Variants in ECH1 observed in about 807,000 individuals in gnomAD.
The protein encoded by ECH1 is delta(3,5)-Delta(2,4)-dienoyl-CoA isomerase, mitochondrial.
In ECH1, 30 loss-of-function variants were observed where a neutral mutation model predicts 37.0. That is an observed-to-expected ratio of 0.81 (90% CI 0.61 to 1.10). ECH1 has a LOEUF of 1.10. ECH1 is among the 50% of genes least tolerant of loss of function. The pLI is 0.00. For missense variants in ECH1, 456 were observed against 441.6 expected (o/e 1.03, Z -0.29); for synonymous variants, 178 against 176.0 (o/e 1.01, Z -0.09).
intron 5 of ECH1, 56 bp downstream of exon 5, chr19:38,817,260 C>G: frequency 6.5e-7 from 1 of 1,529,684 alleles, no homozygotes; most frequent in South Asian, 1.2e-5. Context: ...GCCGCGGCAT[C>G]GGAGCAGCAG....
intron 1 of ECH1, 38 bp from the exon 2 acceptor site, chr19:38,831,554 G>T (rs906368755): frequency 2.5e-6 from 4 of 1,585,772 alleles, no homozygotes; most frequent in Middle Eastern, 1.7e-4. Flanking sequence ...ACCCCAGACT[G>T]CAAGACACAG....
chr19:38,824,152 C>A (rs1248038672), intron 3 of ECH1, among the ~76,000 whole-genome samples: 20 of 152,160 alleles, frequency 1.3e-4, no homozygotes, highest in Non-Finnish European at 1.5e-5. Context: ...CAGGGTATGG[C>A]CCTCCACTTC....
chr19:38,817,196 C>G (rs1412366740), intron 5 of ECH1, 67 bp from the exon 6 acceptor site: 6 of 1,550,708 alleles, frequency 3.9e-6, no homozygotes, highest in African/African-American at 1.4e-5. Context: ...GGAGGTGGGG[C>G]TGCCTCTTGG....
At position 38,817,524 on chromosome 19, in the gene ECH1, T is replaced by G. The variant is rs755430881; in HGVS notation, c.401A>C (p.Asp134Ala). 5.9e-5 allele frequency: 96 copies of G among 1,613,702 alleles called. No homozygotes were observed. Among genetic ancestry groups the G allele is most frequent in the Non-Finnish European group, 7.7e-5 (91 of 1,179,834 alleles). Residue 134 changes from aspartate to alanine, a missense_variant, in exon 4 of 10, where the codon GAT becomes GCT. Transcript: ENST00000221418. ...ASDILQPKGD[D>A]VARISWYLRD... Reference sequence around the variant, plus strand: ...GAGGTACCAGCTGATCCGGGCCACATCATCTCCTTTGGGCTGCAGGATGTC... The same window carrying G: ...GAGGTACCAGCTGATCCGGGCCACAGCATCTCCTTTGGGCTGCAGGATGTC...
rs753050715 is a variant in ECH1 at position 38,831,136 on chromosome 19, C to T, written c.291G>A (p.Ser97=). The change falls in exon 3 of 10, where the codon TCG becomes TCA. Residue 97 remains serine, a synonymous_variant. Transcript: ENST00000221418. ...REMVECFNKI[S]RDADCRAVVI... ...CCACCGCCCGACAGTCAGCGTCTCTCGAAATCTTGTTGAAGCACTCTACCA... is the reference window on the plus strand; with the variant it reads ...CCACCGCCCGACAGTCAGCGTCTCTTGAAATCTTGTTGAAGCACTCTACCA... The T allele has an allele frequency of 1.2e-6, 2 of 1,614,022 alleles. No individual in the cohort carries two copies. The highest frequency in any genetic ancestry group is 1.3e-5 in the African/African-American group (1 of 74,890).
At chr19:38,821,706 A>G (rs2113124) in intron 3 of ECH1, among the ~76,000 whole-genome samples, 1 of 151,998 alleles carries the variant, frequency 6.6e-6, no homozygotes, top group Non-Finnish European at 1.5e-5. Flanking sequence ...GCACTCGAAT[A>G]CTTGCCGGGC....
At chr19:38,830,283 T>G (rs974007917) in intron 3 of ECH1, among the ~76,000 whole-genome samples, 1 of 152,204 alleles carries the variant, frequency 6.6e-6, no homozygotes, top group African/African-American at 2.4e-5. Context: ...CCAACTGACC[T>G]GTAACTGGAA....
chr19:38,817,626 T>G lies in ECH1; in HGVS notation c.350-51A>C, dbSNP rs145215543. ...ATCCAGGCTCCCAGGCCCCACCCAT[T>G]GACTCAACCAGGGATCAGAACCCAG... On this transcript the variant is annotated intron_variant, in intron 3 of 9. Transcript: ENST00000221418. 82 of 1,540,794 alleles carry G rather than the reference T, an allele frequency of 5.3e-5. 1 individual carries two copies. In the East Asian group the frequency reaches 1.9e-3, roughly 35 times the overall value.
intron 3 of ECH1, chr19:38,822,917 A>C (rs1168163808): frequency 6.6e-6 from 1 of 152,174 alleles, no homozygotes; most frequent in African/African-American, 2.4e-5. Context: ...GCTGCTGCTC[A>C]CTCTTTGGGT....
At position 38,831,776 on chromosome 19, in the gene ECH1, C is replaced by T. The variant is rs1338788773; in HGVS notation, c.-4G>A. ...AAGCCACTATCCCCGCCGCCATCGC[C>T]GCCGCCTTCGTCTACTGCGTTCGGA... On this transcript the variant is annotated 5_prime_UTR_variant, in exon 1 of 10. Transcript: ENST00000221418. 6.2e-7 allele frequency: 1 copy of T among 1,613,128 alleles called. No homozygotes were observed. Among genetic ancestry groups the T allele is most frequent in the Non-Finnish European group, 8.5e-7 (1 of 1,179,746 alleles).
intron 5 of ECH1, 43 bp downstream of exon 5, chr19:38,817,273 C>A: frequency 6.5e-7 from 1 of 1,530,216 alleles, no homozygotes; most frequent in Non-Finnish European, 8.8e-7. Context: ...AGCAGCAGCC[C>A]CACCTGGGGA....
At chr19:38,822,430 A>G (rs976712671) in intron 3 of ECH1, among the ~76,000 whole-genome samples, 19 of 151,854 alleles carry the variant, frequency 1.3e-4, no homozygotes, top group African/African-American at 4.6e-4. Flanking sequence ...TGCACCAATC[A>G]GCACCCTATG....
chr19:38,820,316 T>TC (rs1200769847), intron 3 of ECH1: 2 of 152,074 alleles, frequency 1.3e-5, no homozygotes, highest in Non-Finnish European at 2.9e-5. Context: ...TGCCTCAGCC[T>TC]CCCAAAGTGC....
chr19:38,830,250 G>C (rs1971798973), intron 3 of ECH1, among the ~76,000 whole-genome samples: 1 of 152,168 alleles, frequency 6.6e-6, no homozygotes, highest in South Asian at 2.1e-4. Flanking sequence ...CTGAAGAAAA[G>C]GTCAGTGGGT....
At chr19:38,819,970 G>T (rs922576683) in intron 3 of ECH1, among the ~76,000 whole-genome samples, 2 of 138,034 alleles carry the variant, frequency 1.4e-5, no homozygotes, top group Non-Finnish European at 3.1e-5. Flanking sequence ...AAAATAAAAA[G>T]AAAAGAAAAT....
At chr19:38,826,608 G>A (rs1411213211) in intron 3 of ECH1, among the ~76,000 whole-genome samples, 5 of 152,180 alleles carry the variant, frequency 3.3e-5, no homozygotes, top group African/African-American at 9.7e-5. Context: ...AAATAACAGA[G>A]GCAGCAGAAT....
chr19:38,816,199 C>T (rs1013980384), intron 8 of ECH1, 85 bp downstream of exon 8: 3 of 1,544,220 alleles, frequency 1.9e-6, no homozygotes, highest in East Asian at 2.3e-5. Context: ...AATTCTAGAG[C>T]GAGGAGACAA....
chr19:38,827,752 G>A (rs1173847385), intron 3 of ECH1, among the ~76,000 whole-genome samples: 1 of 152,098 alleles, frequency 6.6e-6, no homozygotes, highest in African/African-American at 2.4e-5. Flanking sequence ...CTGCAGTTTT[G>A]ACCTCCCTGG....
At chr19:38,818,557 C>T (rs1002796167) in intron 3 of ECH1, 1 of 221,332 alleles carries the variant, frequency 4.5e-6, no homozygotes, top group East Asian at 1.8e-4. Flanking sequence ...GGCAGGATCT[C>T]GGCTCAATGC....
Sources: gnomAD v4.1 joint callset for allele counts (sites outside exome capture counted in the v4.1 genomes callset) on GRCh38, gnomAD v4.1.1 for gene constraint, MANE v1.5 for transcripts, NCBI Gene and HGNC (gene_info 2026-07-23, HGNC 2026-07-21) for gene names.